The following FGF14 variants were observed in gnomAD, a reference collection of about 807,000 sequenced individuals.
FGF14 encodes the protein fibroblast growth factor 14, also known as fibroblast growth factor homologous factor 4.
A neutral mutation model predicts 25.5 loss-of-function variants in FGF14; 5 were observed. The observed-to-expected ratio is 0.20, with a 90% CI of 0.10 to 0.41. FGF14 has a LOEUF of 0.41. Among genes scored for constraint, FGF14 ranks in the 10% least tolerant of loss-of-function variants. FGF14 has a pLI of 1.00. For missense variants in FGF14, 222 were observed against 320.1 expected (o/e 0.69, Z 2.34); for synonymous variants, 138 against 118.3 (o/e 1.17, Z -1.08).
chr13:102,043,630 T>A (rs1388661569), intron 1 of FGF14, among the ~76,000 whole-genome samples: 3 of 152,066 alleles, frequency 2.0e-5, no homozygotes, highest in Non-Finnish European at 4.4e-5. Flanking sequence ...GAAAACCTTC[T>A]CAAATAAGGC....
intron 1 of FGF14, among the ~76,000 whole-genome samples, chr13:102,046,879 T>C (rs1305396244): frequency 1.3e-5 from 2 of 152,302 alleles, no homozygotes; most frequent in East Asian, 3.9e-4. Context: ...CAATAATGAA[T>C]GTCTCTTCAT....
chr13:101,913,855 A>C (rs2139101177), intron 1 of FGF14, among the ~76,000 whole-genome samples: 1 of 151,688 alleles, frequency 6.6e-6, no homozygotes, highest in African/African-American at 2.4e-5. Flanking sequence ...CATGCTTTAT[A>C]GGACTTTGAA....
At chr13:102,374,718 G>A (rs1310673003) in intron 1 of FGF14, among the ~76,000 whole-genome samples, 1 of 114,300 alleles carries the variant, frequency 8.7e-6, no homozygotes, top group African/African-American at 3.3e-5. Flanking sequence ...AGACGTGTCA[G>A]ATTCTTTAGC....
intron 3 of FGF14, among the ~76,000 whole-genome samples, chr13:101,730,865 G>A (rs2035762141): frequency 6.6e-6 from 1 of 152,204 alleles, no homozygotes; most frequent in African/African-American, 2.4e-5. Context: ...GTGAGGAGAT[G>A]AAGACAGTGG....
Position 101,713,958 on chromosome 13 carries a change from C to T in FGF14, c.*8873G>A, listed in dbSNP as rs894767201. 3.9e-5 allele frequency: 6 copies of T among 155,118 alleles called. No homozygotes were observed. Among genetic ancestry groups the T allele is most frequent in the African/African-American group, 9.6e-5 (4 of 41,458 alleles). 9.6% of individuals were successfully genotyped at this position (155,118 alleles called of 1,614,324 possible). ...CACCCAATATGCAGGTGTGCTCCTA[C>T]TCCAAGAAAATCATGTAAACGAAAA... On this transcript the variant is annotated 3_prime_UTR_variant, in exon 5 of 5. Coordinates refer to ENST00000376143, the MANE Select transcript of FGF14 (RefSeq NM_004115.4).
chr13:101,932,026 A>G (rs1330836551), intron 1 of FGF14, among the ~76,000 whole-genome samples: 1 of 152,230 alleles, frequency 6.6e-6, no homozygotes, highest in Non-Finnish European at 1.5e-5. Flanking sequence ...TTAAGATATT[A>G]TATAAATGAT....
At chr13:101,899,672 C>A (rs2031266965) in intron 1 of FGF14, among the ~76,000 whole-genome samples, 1 of 151,708 alleles carries the variant, frequency 6.6e-6, no homozygotes, top group Admixed American at 6.6e-5. Context: ...AAAAAGTAAA[C>A]ATGAAAGTGA....
intron 1 of FGF14, among the ~76,000 whole-genome samples, chr13:102,380,057 T>C (rs2058144650): frequency 6.6e-6 from 1 of 151,960 alleles, no homozygotes; most frequent in African/African-American, 2.4e-5. Flanking sequence ...CAAAGGTAAA[T>C]GTCCCTTTTC....
chr13:101,821,086 G>T (rs6491649), intron 3 of FGF14, among the ~76,000 whole-genome samples: 6 of 145,318 alleles, frequency 4.1e-5, no homozygotes, highest in Non-Finnish European at 7.6e-5. Context: ...GTAGCTGGGA[G>T]TACAGGCGCC....
intron 1 of FGF14, among the ~76,000 whole-genome samples, chr13:101,960,287 C>A (rs1199876968): frequency 1.3e-5 from 2 of 152,140 alleles, no homozygotes; most frequent in Non-Finnish European, 2.9e-5. Flanking sequence ...GTTTGCTGCA[C>A]CTATAATCCA....
chr13:102,220,345 A>G (rs1294076099), intron 1 of FGF14, among the ~76,000 whole-genome samples: 1 of 152,168 alleles, frequency 6.6e-6, no homozygotes, highest in African/African-American at 2.4e-5. Context: ...CAAAGAAAAA[A>G]TTTCTAAATA....
intron 1 of FGF14, among the ~76,000 whole-genome samples, chr13:102,349,533 A>G (rs1470228396): frequency 6.6e-6 from 1 of 152,246 alleles, no homozygotes; most frequent in Non-Finnish European, 1.5e-5. Flanking sequence ...AAGCATATTA[A>G]GAGAGTTTCC....
Position 101,722,854 on chromosome 13 carries a change from C to G in FGF14, c.721G>C (p.Val241Leu), listed in dbSNP as rs1301914083. 32 of 1,613,340 alleles carry G rather than the reference C, an allele frequency of 2.0e-5. No homozygotes were observed. Among genetic ancestry groups the G allele is most frequent in the Non-Finnish European group, 2.7e-5 (32 of 1,179,548 alleles). ...GGCTATGTTGTCTTACTCTTGTTGACTGGTTTGCCTCCATTCATTATTGCA... is the reference window on the plus strand; with the variant it reads ...GGCTATGTTGTCTTACTCTTGTTGAGTGGTTTGCCTCCATTCATTATTGCA... ...ASAIMNGGKP[V>L]NKSKTT The change falls in exon 5 of 5, where the codon GTC becomes CTC. Residue 241 changes from valine to leucine, a missense_variant. Transcript: ENST00000376143.
At chr13:102,010,530 A>G (rs188569337) in intron 1 of FGF14, among the ~76,000 whole-genome samples, 1 of 152,308 alleles carries the variant, frequency 6.6e-6, no homozygotes, top group Admixed American at 6.5e-5. Flanking sequence ...AGACAATGTT[A>G]TAAGCTTTTA....
At chr13:101,973,298 T>A (rs1199787479) in intron 1 of FGF14, among the ~76,000 whole-genome samples, 1 of 152,130 alleles carries the variant, frequency 6.6e-6, no homozygotes, top group Non-Finnish European at 1.5e-5. Flanking sequence ...ATAAAATATA[T>A]CCATTCTTTC....
At position 102,400,707 on chromosome 13, in the gene FGF14, C is replaced by T. The variant is rs1156529644; in HGVS notation, c.208+764G>A. Among the ~76,000 whole-genome samples the T allele has an allele frequency of 6.6e-6, 1 of 152,222 alleles. No homozygotes were observed. The highest frequency in any genetic ancestry group is 1.9e-4 in the East Asian group (1 of 5,184). On this transcript the variant is annotated intron_variant, in intron 1 of 4. Transcript: ENST00000376131. This position sits in a 1 kb window ranked among gnomAD's most constrained non-coding sequence, Gnocchi z 4.3. The stretch of plus-strand genomic sequence containing the variant: ...ACCAGTAGGCTTAAAAGCAGGAACT[C>T]ACGGCCTGGCTCATCCCCACCCCTG...
rs574337620 is a variant in FGF14 at position 102,033,489 on chromosome 13, G to A, written c.209-158193C>T. Among the ~76,000 whole-genome samples, 17 of 143,798 alleles carry A rather than the reference G, an allele frequency of 1.2e-4. No homozygotes were observed. The South Asian group carries it at 3.1e-3, about 26-fold the overall frequency. 94.3% of individuals were successfully genotyped at this position (143,798 alleles called of 152,430 possible). On this transcript the variant is annotated intron_variant, in intron 1 of 4. Coordinates refer to the FGF14 transcript ENST00000376131. ...AATCAATATTTCAGCCTACGCTTGCGTGTGCACGCACACACACACACACAC... is the reference window on the plus strand; with the variant it reads ...AATCAATATTTCAGCCTACGCTTGCATGTGCACGCACACACACACACACAC...
intron 1 of FGF14, among the ~76,000 whole-genome samples, chr13:102,086,458 A>T (rs2043908739): frequency 6.6e-6 from 1 of 151,964 alleles, no homozygotes; most frequent in South Asian, 2.1e-4. Context: ...TGAACCCGGG[A>T]GGCGGAGCTT....
intron 1 of FGF14, among the ~76,000 whole-genome samples, chr13:102,180,250 C>A (rs948380457): frequency 6.6e-6 from 1 of 152,118 alleles, no homozygotes; most frequent in African/African-American, 2.4e-5. Flanking sequence ...ACTGTCATTT[C>A]CATGCTATAA....
Sources: gnomAD v4.1 joint callset for allele counts (sites outside exome capture counted in the v4.1 genomes callset) on GRCh38, gnomAD v4.1.1 for gene constraint, Gnocchi (gnomAD v3.1) non-coding constraint, MANE v1.5 for transcripts, NCBI Gene and HGNC (gene_info 2026-07-23, HGNC 2026-07-21) for gene names.